The following SATB2 variants were observed in gnomAD, a reference collection of about 807,000 sequenced individuals.
SATB2 encodes SATB homeobox 2, also known as DNA-binding protein SATB2.
SATB2 carries 1 observed loss-of-function variant against 73.4 expected under a neutral mutation model. That is an observed-to-expected ratio of 0.01 (90% CI 0.00 to 0.06). The LOEUF (loss-of-function observed/expected upper bound fraction) is 0.06. Ranked by LOEUF, SATB2 falls within the 10% of genes least tolerant of loss-of-function variation. The pLI, the probability that SATB2 is intolerant of heterozygous loss-of-function variation, is 1.00. For synonymous variants in SATB2, 397 were observed against 367.0 expected (o/e 1.08, Z -0.93); for missense variants, 459 against 945.8 (o/e 0.49, Z 6.75).
chr2:199,435,463 C>T (rs1236482240), intron 2 of SATB2, among the ~76,000 whole-genome samples: 1 of 152,098 alleles, frequency 6.6e-6, no homozygotes, highest in African/African-American at 2.4e-5. Flanking sequence ...ATTCTCCTGC[C>T]TCAGCCTCCT....
rs1689653272 is a variant in SATB2, at chr2:199,377,946, G to T, written c.597+2418C>A. On this transcript the variant is annotated intron_variant, in intron 5 of 10. Coordinates refer to ENST00000417098, the MANE Select transcript of SATB2 (RefSeq NM_001172509.2). ...ACCATGAGAGCAGAGAGTGGAAGGGGAAAGAGGTTTTTATGATAGGGTTAA... is the reference window on the plus strand; with the variant it reads ...ACCATGAGAGCAGAGAGTGGAAGGGTAAAGAGGTTTTTATGATAGGGTTAA... Among the ~76,000 whole-genome samples, 8 of 152,260 alleles carry T rather than the reference G, an allele frequency of 5.3e-5. No homozygotes were observed. In the South Asian group the frequency reaches 1.7e-3, roughly 32 times the overall value.
In SATB2 at chr2:199,455,888, G is replaced by T; in HGVS notation, c.150C>A (p.Ala50=). 6.5e-7 allele frequency: 1 copy of T among 1,537,512 alleles called. No homozygotes were observed. Among genetic ancestry groups the T allele is most frequent in the Non-Finnish European group, 8.7e-7 (1 of 1,148,066 alleles). ...PMGARGRPNG[A]VAKAVGGLMI... is the part of the protein sequence containing the mutation. ...TGTTACCTCCCACGGCCTTGGCCAC[G>T]GCGCCGTTGGGCCTCCCGCGGGCTC... The change falls in exon 2 of 11, where the codon GCC becomes GCA. Residue 50 remains alanine, a synonymous_variant. Transcript: ENST00000417098. The surrounding 1 kb of genome is among the most constrained non-coding windows in gnomAD (Gnocchi z 4.1).
chr2:199,287,024 C>T lies in SATB2; in HGVS notation c.1741-14352G>A, dbSNP rs564382124. On this transcript the variant is annotated intron_variant, in intron 10 of 10. Transcript: ENST00000417098. Reference sequence around the variant, plus strand: ...TCCCAATGATATTAAAAGAACCAACCTGGAAATTTCTAATACTTCAGCAAT... The same window carrying T: ...TCCCAATGATATTAAAAGAACCAACTTGGAAATTTCTAATACTTCAGCAAT... Among the ~76,000 whole-genome samples the T allele has an allele frequency of 1.1e-4, 16 of 152,202 alleles. No individual in the cohort carries two copies. The South Asian group carries it at 3.3e-3, about 32-fold the overall frequency.
chr2:199,456,893 A>G (rs1460757342), intron 1 of SATB2, among the ~76,000 whole-genome samples: 1 of 145,878 alleles, frequency 6.9e-6, no homozygotes, highest in Non-Finnish European at 1.5e-5. Flanking sequence ...ACATCGCTCC[A>G]GAAAGTTTTC....
intron 10 of SATB2, among the ~76,000 whole-genome samples, chr2:199,288,615 A>G (rs1574474017): frequency 6.6e-6 from 1 of 152,200 alleles, no homozygotes. Context: ...AGAAAATACT[A>G]CCTCAGCATA....
chr2:199,354,055 G>A (rs547091825), intron 6 of SATB2, among the ~76,000 whole-genome samples: 1 of 152,154 alleles, frequency 6.6e-6, no homozygotes, highest in Non-Finnish European at 1.5e-5. Context: ...TTATTAAAGA[G>A]ACAGTAAAAA....
At chr2:199,347,377 T>C (rs913259186) in intron 7 of SATB2, 3 of 152,226 alleles carry the variant, frequency 2.0e-5, no homozygotes, top group Admixed American at 6.5e-5. Flanking sequence ...AGTTGTTTTA[T>C]GTCTTCAAAT....
chr2:199,387,928 C>G (rs534980346), intron 3 of SATB2, among the ~76,000 whole-genome samples: 3 of 152,212 alleles, frequency 2.0e-5, no homozygotes, highest in Admixed American at 1.3e-4. Flanking sequence ...TGACATTTCA[C>G]CAAAAGAAAT....
At chr2:199,369,318 G>A (rs1015868677) in intron 5 of SATB2, among the ~76,000 whole-genome samples, 4 of 152,114 alleles carry the variant, frequency 2.6e-5, no homozygotes, top group African/African-American at 7.2e-5. Flanking sequence ...GAGTGCTTAG[G>A]TGCATGATTC....
At chr2:199,286,485 A>T (rs1312773146) in intron 10 of SATB2, among the ~76,000 whole-genome samples, 1 of 152,086 alleles carries the variant, frequency 6.6e-6, no homozygotes, top group African/African-American at 2.4e-5. Flanking sequence ...AAACCATTCC[A>T]CAAAAACAAC....
At chr2:199,467,678 C>G (rs1272005989), upstream of SATB2, among the ~76,000 whole-genome samples, 1 of 152,318 alleles carries the variant, frequency 6.6e-6, no homozygotes, top group Non-Finnish European at 1.5e-5. Context: ...GAATCCCCAC[C>G]ACATTCTTTA....
intron 3 of SATB2, among the ~76,000 whole-genome samples, chr2:199,394,155 A>G (rs1690231977): frequency 6.6e-6 from 1 of 152,224 alleles, no homozygotes; most frequent in African/African-American, 2.4e-5. Context: ...AGTACCCAAT[A>G]GAATAGTTTA....
intron 10 of SATB2, among the ~76,000 whole-genome samples, chr2:199,299,624 T>C (rs968768725): frequency 1.9e-5 from 2 of 106,356 alleles, no homozygotes; most frequent in Non-Finnish European, 4.8e-5. Flanking sequence ...TCAATGTACA[T>C]GTGAAATTTT....
intron 9 of SATB2, among the ~76,000 whole-genome samples, chr2:199,313,233 A>C (rs1195482850): frequency 6.6e-6 from 1 of 152,220 alleles, no homozygotes; most frequent in Non-Finnish European, 1.5e-5. Flanking sequence ...CTAGTTTGGC[A>C]ACATTTTTGT....
At chr2:199,408,265 A>G (rs1426932448) in intron 3 of SATB2, among the ~76,000 whole-genome samples, 6 of 152,332 alleles carry the variant, frequency 3.9e-5, no homozygotes, top group East Asian at 1.9e-4. Context: ...AGGATGGGCT[A>G]TAACACTTGA....
chr2:199,408,173 A>G (rs1690693869), intron 3 of SATB2, among the ~76,000 whole-genome samples: 1 of 152,198 alleles, frequency 6.6e-6, no homozygotes, highest in Non-Finnish European at 1.5e-5. Context: ...TCAACATTTT[A>G]CCAATGATTT....
chr2:199,427,483 T>C (rs10193836), intron 3 of SATB2, among the ~76,000 whole-genome samples: 4,592 of 152,226 alleles, frequency 0.03, 250 homozygotes, highest in African/African-American at 0.11. Flanking sequence ...TTATCTTTTT[T>C]TAGGAGTTAT....
upstream of SATB2, among the ~76,000 whole-genome samples, chr2:199,465,594 A>G (rs905322414): frequency 6.6e-6 from 1 of 152,130 alleles, no homozygotes; most frequent in Admixed American, 6.5e-5. Flanking sequence ...AATATAAAAG[A>G]CCTTTCATGA....
chr2:199,325,068 G>A (rs1035274966), intron 8 of SATB2, among the ~76,000 whole-genome samples: 6 of 152,028 alleles, frequency 3.9e-5, no homozygotes, highest in Middle Eastern at 3.2e-3. Flanking sequence ...GGTGTCTAGC[G>A]GCAGAACTTA....
Sources: allele counts gnomAD v4.1 joint callset (sites outside exome capture counted in the v4.1 genomes callset), GRCh38; gene constraint gnomAD v4.1.1; non-coding constraint Gnocchi (gnomAD v3.1); transcripts MANE v1.5; gene names NCBI Gene and HGNC (gene_info 2026-07-23, HGNC 2026-07-21).